The following SNRPC variants were observed in gnomAD, a reference collection of about 807,000 sequenced individuals.
SNRPC encodes the protein small nuclear ribonucleoprotein polypeptide C, also known as U1 small nuclear ribonucleoprotein C.
SNRPC carries 5 observed loss-of-function variants against 20.0 expected under a neutral mutation model. That is an observed-to-expected ratio of 0.25 (90% confidence interval 0.13 to 0.53). SNRPC has a LOEUF of 0.53. SNRPC is among the 20% of genes least tolerant of loss of function. The probability of loss-of-function intolerance (pLI) is 0.96; values close to 1 mark genes in which losing one functional copy is unlikely to be tolerated. For missense variants in SNRPC, 112 were observed against 224.1 expected (o/e 0.50, Z 3.19); for synonymous variants, 61 against 58.7 (o/e 1.04, Z -0.18).
chr6:34,761,136 T>G (rs1202337361), intron 2 of SNRPC, among the ~76,000 whole-genome samples: 1 of 151,872 alleles, frequency 6.6e-6, no homozygotes, highest in East Asian at 1.9e-4. Context: ...TGATTTTTAG[T>G]CATGTTTTTG....
intron 3 of SNRPC, among the ~76,000 whole-genome samples, chr6:34,765,931 G>C (rs1328974479): frequency 2.7e-5 from 4 of 150,368 alleles, no homozygotes; most frequent in Non-Finnish European, 5.9e-5. Flanking sequence ...TATAGAGATG[G>C]TGTCTCACTT....
intron 3 of SNRPC, among the ~76,000 whole-genome samples, chr6:34,764,469 TC>T (rs1313750132): frequency 6.9e-6 from 1 of 143,964 alleles, no homozygotes; most frequent in African/African-American, 2.6e-5. Flanking sequence ...AGAGGGAAAC[TC>T]CGTCTCAAAA....
At chr6:34,762,932 G>A (rs1338418714) in intron 3 of SNRPC, among the ~76,000 whole-genome samples, 1 of 152,232 alleles carries the variant, frequency 6.6e-6, no homozygotes, top group Non-Finnish European at 1.5e-5. Flanking sequence ...AGATGGGGAA[G>A]TGAGGCAGAG....
At position 34,767,961 on chromosome 6, in the gene SNRPC, C is replaced by G. The variant is rs1212079766; in HGVS notation, c.214C>G (p.Pro72Ala). ...TCCTACTCCATTCTCTGCTCCTCCT[C>G]CTGCAGGGGCGATGATACCACCTCC... ...IPPTPFSAPP[P>A]AGAMIPPPPS... The change falls in exon 4 of 6, where the codon CCT (proline) becomes GCT (alanine). Residue 72 changes from proline to alanine, a missense_variant. Transcript: ENST00000244520. The G allele has an allele frequency of 3.2e-5, 51 of 1,612,246 alleles. No homozygotes were observed. The highest frequency in any genetic ancestry group is 4.0e-5 in the African/African-American group (3 of 74,594).
intron 2 of SNRPC, among the ~76,000 whole-genome samples, chr6:34,761,270 G>T (rs992124166): frequency 6.6e-6 from 1 of 151,532 alleles, no homozygotes; most frequent in Admixed American, 6.6e-5. Context: ...CTCCCGAGTA[G>T]CTGGGATTAC....
intron 3 of SNRPC, among the ~76,000 whole-genome samples, chr6:34,765,341 T>C (rs956661695): frequency 5.3e-5 from 8 of 152,210 alleles, no homozygotes; most frequent in Non-Finnish European, 1.2e-4. Context: ...AATATTGTCA[T>C]CTACTCCCTT....
chr6:34,773,560 C>A lies in SNRPC; in HGVS notation c.470C>A (p.Pro157Gln). The A allele has an allele frequency of 6.2e-7, 1 of 1,613,746 alleles. No homozygotes were observed. The highest frequency in any genetic ancestry group is 1.1e-5 in the South Asian group (1 of 91,080). The stretch of plus-strand genomic sequence containing the variant: ...CCCACTCGGCCCGGAATGACTCGAC[C>A]AGACAGATAAGGATAGAGGGGAGGC... ...MVPTRPGMTR[P>Q]DR The change falls in exon 6 of 6, where the codon CCA becomes CAA. Residue 157 changes from proline (P) to glutamine (Q), a missense_variant. Pro to Gln is a moderately conservative substitution (Grantham distance 76). Transcript: ENST00000244520. The surrounding 1 kb of genome is among the most constrained non-coding windows in gnomAD (Gnocchi z 4.1).
intron 3 of SNRPC, among the ~76,000 whole-genome samples, chr6:34,766,729 T>C (rs886324091): frequency 6.6e-6 from 1 of 152,206 alleles, no homozygotes. Flanking sequence ...AAAGTCCATA[T>C]TGGGGTGTAA....
chr6:34,758,842 G>A (rs1764488495), intron 2 of SNRPC, among the ~76,000 whole-genome samples: 1 of 151,710 alleles, frequency 6.6e-6, no homozygotes, highest in Admixed American at 6.6e-5. Flanking sequence ...GTGAAACCCC[G>A]TCTCTACTAA....
At chr6:34,764,187 T>C (rs1449650636) in intron 3 of SNRPC, among the ~76,000 whole-genome samples, 1 of 142,974 alleles carries the variant, frequency 7.0e-6, no homozygotes. Flanking sequence ...CTACTAAAAA[T>C]ACAAAAAATT....
chr6:34,764,841 G>C (rs1472817188), intron 3 of SNRPC, among the ~76,000 whole-genome samples: 1 of 151,664 alleles, frequency 6.6e-6, no homozygotes, highest in South Asian at 2.1e-4. Context: ...GACCAACATC[G>C]AGAAACCGTG....
chr6:34,773,314 C>G lies in SNRPC; in HGVS notation c.356-132C>G, dbSNP rs1764711776. The G allele has an allele frequency of 4.4e-6, 3 of 684,886 alleles. No homozygotes were observed. Among genetic ancestry groups the G allele is most frequent in the Non-Finnish European group, 7.3e-6 (3 of 413,570 alleles). 42.4% of individuals were successfully genotyped at this position (684,886 alleles called of 1,614,324 possible). ...GATAAATTTGTTGCATTTCTTCTGT[C>G]ACGTGTGTCTTTTTTCCAGCATTTT... On this transcript the variant is annotated intron_variant, in intron 5 of 5. Coordinates refer to ENST00000244520, the MANE Select transcript of SNRPC (RefSeq NM_003093.3). This position sits in a 1 kb window ranked among gnomAD's most constrained non-coding sequence, Gnocchi z 4.1.
At position 34,773,006 on chromosome 6, in the gene SNRPC, T is replaced by G. The variant is rs1192265877; in HGVS notation, c.356-440T>G. On this transcript the variant is annotated intron_variant, in intron 5 of 5. Coordinates refer to ENST00000244520, the MANE Select transcript of SNRPC (RefSeq NM_003093.3). The surrounding 1 kb of genome is among the most constrained non-coding windows in gnomAD (Gnocchi z 4.1). ...CCTACAACTCCGAACAAACGCTTAG[T>G]GGTAAGATTGTCCTCTGTGCCTGTG... 1 of 156,868 alleles carries G rather than the reference T, an allele frequency of 6.4e-6. No homozygotes were observed. Among genetic ancestry groups the G allele is most frequent in the Non-Finnish European group, 1.4e-5 (1 of 70,664 alleles). The allele number at this position is 156,868 out of a possible 1,614,324, so 9.7% of individuals were successfully genotyped here.
chr6:34,764,478 AAAAC>A (rs1370583485), intron 3 of SNRPC, among the ~76,000 whole-genome samples: 1 of 146,816 alleles, frequency 6.8e-6, no homozygotes, highest in Non-Finnish European at 1.5e-5. Context: ...CTCCGTCTCA[AAAAC>A]AAACAAAAAA....
chr6:34,761,462 C>CT (rs1187589239), intron 2 of SNRPC, among the ~76,000 whole-genome samples: 1 of 148,520 alleles, frequency 6.7e-6, no homozygotes, highest in Non-Finnish European at 1.5e-5. Context: ...TGTTATTAGG[C>CT]TTAAGGCATC....
intron 5 of SNRPC, among the ~76,000 whole-genome samples, chr6:34,771,197 C>G (rs1764685996): frequency 6.6e-6 from 1 of 151,996 alleles, no homozygotes; most frequent in Admixed American, 6.6e-5. Context: ...GGTGTGGTGG[C>G]ACGCGCCTGT....
chr6:34,761,352 G>A (rs923511575), intron 2 of SNRPC, among the ~76,000 whole-genome samples: 1 of 151,752 alleles, frequency 6.6e-6, no homozygotes, highest in African/African-American at 2.4e-5. Flanking sequence ...AGGCCAGGGT[G>A]GTCTTGAACT....
chr6:34,757,819 G>C (rs1432386659), intron 1 of SNRPC, 93 bp from the exon 2 acceptor site: 2 of 1,606,896 alleles, frequency 1.2e-6, no homozygotes, highest in East Asian at 2.2e-5. Flanking sequence ...TGTTTTGTTT[G>C]TTTGTTTTGT....
rs1310135404 is a variant in SNRPC, at chr6:34,762,724, C to T, written c.160+21C>T. 5 of 1,241,644 alleles carry T rather than the reference C, an allele frequency of 4.0e-6. No homozygotes were observed. The African/African-American group carries it at 7.4e-5, about 18-fold the overall frequency. The allele number at this position is 1,241,644 out of a possible 1,614,324, so 76.9% of individuals were successfully genotyped here. On this transcript the variant is annotated intron_variant, in intron 3 of 5. Coordinates refer to ENST00000244520, the MANE Select transcript of SNRPC (RefSeq NM_003093.3). ...AACAAGTATGTTTCAATCTCTTGTT[C>T]TGCTGTGGTAAAATGGTCCTATTCT...
Sources: gnomAD v4.1 joint callset for allele counts (sites outside exome capture counted in the v4.1 genomes callset) on GRCh38, gnomAD v4.1.1 for gene constraint, Gnocchi (gnomAD v3.1) non-coding constraint, MANE v1.5 for transcripts, NCBI Gene and HGNC (gene_info 2026-07-23, HGNC 2026-07-21) for gene names.